Variants in GOT1 observed in about 807,000 individuals in gnomAD.
GOT1 encodes aspartate aminotransferase, cytoplasmic.
Under a neutral mutation model 48.2 loss-of-function variants are expected in GOT1, and 25 were observed. The ratio of observed to expected loss-of-function variants is 0.52; its 90% confidence interval spans 0.38 to 0.72. The LOEUF is 0.72. Among genes scored for constraint, GOT1 ranks in the 30% least tolerant of loss-of-function variants. GOT1 has a pLI of 0.00. For missense variants in GOT1, 380 were observed against 520.1 expected (o/e 0.73, Z 2.62); for synonymous variants, 188 against 193.8 (o/e 0.97, Z 0.25).
At chr10:99,422,162 T>C (rs551059385) in intron 1 of GOT1, among the ~76,000 whole-genome samples, 24 of 152,292 alleles carry the variant, frequency 1.6e-4, no homozygotes, top group African/African-American at 5.8e-4. Flanking sequence ...GAGTTCTCAC[T>C]ACATCTGGTT....
In GOT1 at chr10:99,418,513, T is replaced by G. The variant is rs530388383; in HGVS notation, c.300+2111A>C. 1.2e-3 allele frequency among the ~76,000 whole-genome samples: 180 copies of G among 151,620 alleles called. 1 individual carries two copies. The highest frequency in any genetic ancestry group is 4.7e-3 in the Admixed American group (72 of 15,236). ...CACTTTCTTTTTTTTTTTTTTTCTT[T>G]TCTTTTGAGACAGGGTCCCATTCTG... On this transcript the variant is annotated intron_variant, in intron 2 of 8. Coordinates refer to ENST00000370508, the MANE Select transcript of GOT1 (RefSeq NM_002079.3).
intron 2 of GOT1, among the ~76,000 whole-genome samples, chr10:99,412,556 T>G (rs2032840391): frequency 6.6e-6 from 1 of 151,776 alleles, no homozygotes; most frequent in Admixed American, 6.6e-5. Context: ...CAGAAACCTC[T>G]GCAGACTTAA....
In GOT1 at chr10:99,403,653, A is replaced by T; in HGVS notation, c.794-19T>A. 1 of 1,614,038 alleles carries T rather than the reference A, an allele frequency of 6.2e-7. No individual in the cohort carries two copies. Among genetic ancestry groups the T allele is most frequent in the Non-Finnish European group, 8.5e-7 (1 of 1,179,882 alleles). ...CTCTCATCTAAAGAGAGGGACCAGAATCAGCTGTGGCTGCTGAAGCAGGGA... is the reference window on the plus strand; with the variant it reads ...CTCTCATCTAAAGAGAGGGACCAGATTCAGCTGTGGCTGCTGAAGCAGGGA... On this transcript the variant is annotated intron_variant, in intron 6 of 8. Coordinates refer to ENST00000370508, the MANE Select transcript of GOT1 (RefSeq NM_002079.3).
chr10:99,429,612 A>T (rs2033089049), intron 1 of GOT1, among the ~76,000 whole-genome samples: 1 of 152,184 alleles, frequency 6.6e-6, no homozygotes, highest in Non-Finnish European at 1.5e-5. Flanking sequence ...CATCCAAATG[A>T]TAGTGAGAAG....
intron 1 of GOT1, among the ~76,000 whole-genome samples, chr10:99,428,245 T>A (rs2033066135): frequency 6.6e-6 from 1 of 152,234 alleles, no homozygotes; most frequent in Non-Finnish European, 1.5e-5. Context: ...CCTACTTATG[T>A]GCCAAATACA....
At chr10:99,414,824 C>T (rs2032872966) in intron 2 of GOT1, among the ~76,000 whole-genome samples, 1 of 152,026 alleles carries the variant, frequency 6.6e-6, no homozygotes, top group Non-Finnish European at 1.5e-5. Context: ...AACTGAACAA[C>T]CTGCTCCTGA....
chr10:99,400,569 A>G (rs2032660787), intron 8 of GOT1, among the ~76,000 whole-genome samples: 1 of 152,198 alleles, frequency 6.6e-6, no homozygotes, highest in Non-Finnish European at 1.5e-5. Flanking sequence ...CCCAGGGGGC[A>G]GAAGTTGCAG....
chr10:99,404,560 G>A (rs759803342), intron 5 of GOT1, among the ~76,000 whole-genome samples: 31 of 152,010 alleles, frequency 2.0e-4, no homozygotes, highest in Non-Finnish European at 3.4e-4. Flanking sequence ...TGTCCCCACT[G>A]CTACCTACTT....
intron 5 of GOT1, among the ~76,000 whole-genome samples, chr10:99,404,635 T>G (rs559925516): frequency 9.2e-5 from 14 of 152,242 alleles, no homozygotes; most frequent in Admixed American, 3.9e-4. Context: ...TCCCACGGCC[T>G]GTCTAGTCTT....
chr10:99,407,922 G>A (rs1204757145), intron 2 of GOT1, among the ~76,000 whole-genome samples: 5 of 151,754 alleles, frequency 3.3e-5, no homozygotes, highest in East Asian at 3.9e-4. Flanking sequence ...TTTAAGCCCC[G>A]CATGCATTAG....
chr10:99,412,600 G>A (rs1277207876), intron 2 of GOT1, among the ~76,000 whole-genome samples: 2 of 151,838 alleles, frequency 1.3e-5, no homozygotes, highest in Non-Finnish European at 2.9e-5. Context: ...AGAGAGTAGT[G>A]GTTCTCTCAG....
In GOT1 at chr10:99,403,421, T is replaced by C. The variant is rs60644506; in HGVS notation, c.959+48A>G. The C allele has an allele frequency of 6.4e-3, 9,375 of 1,460,146 alleles. 527 individuals carry two copies. In the African/African-American group the frequency reaches 0.12, roughly 18 times the overall value. The allele number at this position is 1,460,146 out of a possible 1,614,324, so 90.4% of individuals were successfully genotyped here. A position where few individuals can be genotyped will look rare whatever the true frequency, so the allele number is the denominator to read the frequency against. The stretch of plus-strand genomic sequence containing the variant: ...CAGTTAAATGTACTGGGACAATTAC[T>C]GTTCTGCACTCCCCACCCCCCGGCC... On this transcript the variant is annotated intron_variant, in intron 7 of 8. Coordinates refer to ENST00000370508, the MANE Select transcript of GOT1 (RefSeq NM_002079.3).
intron 8 of GOT1, among the ~76,000 whole-genome samples, chr10:99,400,866 A>T (rs796494161): frequency 6.6e-6 from 1 of 152,102 alleles, no homozygotes; most frequent in Non-Finnish European, 1.5e-5. Flanking sequence ...GCTTGAATCC[A>T]GGAGGTGGAG....
At chr10:99,426,888 T>C (rs1182140348) in intron 1 of GOT1, among the ~76,000 whole-genome samples, 1 of 152,162 alleles carries the variant, frequency 6.6e-6, no homozygotes, top group Admixed American at 6.5e-5. Context: ...CTCCATTAGG[T>C]TTTATATTAA....
At chr10:99,403,959 G>A (rs1225839173) in intron 5 of GOT1, 85 bp from the exon 6 acceptor site, 7 of 1,311,982 alleles carry the variant, frequency 5.3e-6, no homozygotes, top group Non-Finnish European at 7.6e-6. Flanking sequence ...GCTGATGCCT[G>A]GAGGGAATTT....
At position 99,403,776 on chromosome 10, in the gene GOT1, T is replaced by C; in HGVS notation, c.741A>G (p.Glu247=). ...DAWAIRYFVS[E]GFEFFCAQSF... ...ACTGGGCACAGAAGAACTCGAAGCC[T>C]TCAGACACAAAATAGCGAATGGCCC... The change falls in exon 6 of 9, where the codon GAA becomes GAG. Residue 247 remains glutamate (E), a synonymous_variant. Coordinates refer to ENST00000370508, the MANE Select transcript of GOT1 (RefSeq NM_002079.3). 1.2e-6 allele frequency: 2 copies of C among 1,614,174 alleles called. No individual in the cohort carries two copies.
rs777640132 is a variant in GOT1 at position 99,403,466 on chromosome 10, T to C, written c.959+3A>G. 1 of 1,611,380 alleles carries C rather than the reference T, an allele frequency of 6.2e-7. No individual in the cohort carries two copies. Among genetic ancestry groups the C allele is most frequent in the South Asian group, 1.1e-5 (1 of 90,826 alleles). On this transcript the variant is annotated splice_donor_region_variant and intron_variant, in intron 7 of 8. Transcript: ENST00000370508. ...CCGGCCCACCAGACTGGGAGCCCCT[T>C]ACCATTCCTCAAAGAGCTCAGGGTT...
At position 99,403,633 on chromosome 10, in the gene GOT1, A is replaced by G. The variant is rs759185601; in HGVS notation, c.795T>C (p.Asn265=). The change falls in exon 7 of 9, where the codon AAT becomes AAC. Residue 265 remains asparagine (N), a splice_region_variant and synonymous_variant. Coordinates refer to ENST00000370508, the MANE Select transcript of GOT1 (RefSeq NM_002079.3). ...CCACAGTCAGATTCCCGACTCTCTC[A>G]TCTAAAGAGAGGGACCAGAATCAGC... ...QSFSKNFGLY[N]ERVGNLTVVG... is the part of the protein sequence containing the mutation. The G allele has an allele frequency of 5.0e-6, 8 of 1,613,546 alleles. No individual in the cohort carries two copies. Among genetic ancestry groups the G allele is most frequent in the Non-Finnish European group, 6.8e-6 (8 of 1,179,596 alleles).
intron 1 of GOT1, among the ~76,000 whole-genome samples, chr10:99,426,909 A>G (rs1160784681): frequency 2.0e-5 from 3 of 152,216 alleles, no homozygotes; most frequent in African/African-American, 7.2e-5. Flanking sequence ...CTTGGGGGAA[A>G]AAAAGTATCT....
Sources: allele counts gnomAD v4.1 joint callset (sites outside exome capture counted in the v4.1 genomes callset), GRCh38; gene constraint gnomAD v4.1.1; transcripts MANE v1.5; gene names NCBI Gene and HGNC (gene_info 2026-07-23, HGNC 2026-07-21).